PGAP4: variants seen among roughly 807,000 people sequenced by gnomAD.
PGAP4 encodes post-GPI attachment to proteins GalNAc transferase 4, also known as GPI-N-acetylgalactosamine transferase PGAP4.
In PGAP4, 12 loss-of-function variants were observed where a neutral mutation model predicts 28.2. That is an observed-to-expected ratio of 0.42 (90% CI 0.27 to 0.69). The LOEUF is 0.69. Ranked by LOEUF, PGAP4 falls within the 30% of genes least tolerant of loss-of-function variation. The pLI is 0.22. For missense variants in PGAP4, 425 were observed against 513.5 expected (o/e 0.83, Z 1.67); for synonymous variants, 205 against 211.8 (o/e 0.97, Z 0.28).
chr9:101,532,906 A>C (rs1827116466), exon 1 of PGAP4: 1 of 152,158 alleles, frequency 6.6e-6, no homozygotes, highest in South Asian at 2.1e-4. Flanking sequence ...CAAGATGCCT[A>C]AATTCTATTT....
At chr9:101,496,700 A>G (rs1378998547) in intron 2 of PGAP4, among the ~76,000 whole-genome samples, 1 of 151,314 alleles carries the variant, frequency 6.6e-6, no homozygotes, top group Non-Finnish European at 1.5e-5. Context: ...TTCTTTAAAA[A>G]AACCAAAAAC....
intron 2 of PGAP4, among the ~76,000 whole-genome samples, chr9:101,520,889 C>T (rs531661500): frequency 6.7e-6 from 1 of 148,888 alleles, no homozygotes; most frequent in South Asian, 2.3e-4. Context: ...TAAGGTATGT[C>T]CCTTGTGTGC....
intron 2 of PGAP4, among the ~76,000 whole-genome samples, chr9:101,496,406 T>C (rs1215656205): frequency 6.6e-6 from 1 of 151,558 alleles, no homozygotes; most frequent in African/African-American, 2.4e-5. Flanking sequence ...TTTAAAAATA[T>C]ATATTTTAGA....
At chr9:101,484,660 G>A (rs747761875) in intron 1 of PGAP4, among the ~76,000 whole-genome samples, 7 of 152,076 alleles carry the variant, frequency 4.6e-5, no homozygotes, top group South Asian at 2.1e-4. Flanking sequence ...CATGTAAACC[G>A]GAAAGAGAGC....
At chr9:101,497,752 A>G (rs192701244) in intron 2 of PGAP4, among the ~76,000 whole-genome samples, 2 of 151,876 alleles carry the variant, frequency 1.3e-5, no homozygotes, top group East Asian at 3.9e-4. Context: ...GTTAATAACT[A>G]TATATTCTAT....
chr9:101,516,903 CAG>C (rs1826948623), intron 2 of PGAP4, among the ~76,000 whole-genome samples: 1 of 152,192 alleles, frequency 6.6e-6, no homozygotes, highest in South Asian at 2.1e-4. Context: ...ACCTGATTAA[CAG>C]ATGCACAGTG....
chr9:101,511,937 C>T (rs1195758593), intron 2 of PGAP4, among the ~76,000 whole-genome samples: 1 of 152,094 alleles, frequency 6.6e-6, no homozygotes, highest in Admixed American at 6.5e-5. Context: ...ATGCAGTCAT[C>T]CACCCAATGC....
At chr9:101,498,871 G>A (rs1826774266) in intron 2 of PGAP4, among the ~76,000 whole-genome samples, 1 of 151,968 alleles carries the variant, frequency 6.6e-6, no homozygotes, top group African/African-American at 2.4e-5. Flanking sequence ...TGTGTCTACT[G>A]TTTAGAATGT....
chr9:101,491,697 T>C (rs1244973826), upstream of PGAP4, among the ~76,000 whole-genome samples: 1 of 150,212 alleles, frequency 6.7e-6, no homozygotes, highest in Admixed American at 6.7e-5. Flanking sequence ...TTTATTGATT[T>C]CTAATTTTAT....
chr9:101,482,525 C>G (rs1028430141), intron 1 of PGAP4, among the ~76,000 whole-genome samples: 2 of 152,192 alleles, frequency 1.3e-5, no homozygotes, highest in African/African-American at 4.8e-5. Context: ...TGATCAGCAT[C>G]CATCTGATAC....
chr9:101,502,909 G>A (rs1826816137), intron 2 of PGAP4, among the ~76,000 whole-genome samples: 2 of 152,074 alleles, frequency 1.3e-5, no homozygotes, highest in African/African-American at 4.8e-5. Flanking sequence ...ATGGAGGTGA[G>A]TGAGGGAAGA....
chr9:101,489,221 A>G (rs1307497573), upstream of PGAP4: 2 of 152,230 alleles, frequency 1.3e-5, no homozygotes, highest in Non-Finnish European at 2.9e-5. Flanking sequence ...CAAAGCAAAA[A>G]TAGAAAAAAA....
intron 2 of PGAP4, among the ~76,000 whole-genome samples, chr9:101,521,811 T>A (rs1291110470): frequency 6.6e-6 from 1 of 152,176 alleles, no homozygotes; most frequent in East Asian, 1.9e-4. Context: ...TCAGAGTGTC[T>A]GTTTGCACTC....
rs398073538 is a variant in PGAP4, at chr9:101,477,211, A to AAACAAACAAAC, written c.-77-43_-77-42insGTTTGTTTGTT. 9.1e-5 allele frequency: 114 copies of AAACAAACAAAC among 1,246,416 alleles called. 1 individual carries two copies. The African/African-American group carries it at 1.6e-3, about 17-fold the overall frequency. 77.2% of individuals were successfully genotyped at this position (1,246,416 alleles called of 1,614,324 possible). On this transcript the variant is annotated intron_variant, in intron 1 of 1. Coordinates refer to ENST00000374848, the MANE Select transcript of PGAP4 (RefSeq NM_032342.3). ...TAGGGAATGGTAAGAGTAACTTAAA[A>AAACAAACAAAC]AAACAAACAAACAAACAAACAAAAA...
chr9:101,526,841 A>G (rs890215045), intron 2 of PGAP4, among the ~76,000 whole-genome samples: 2 of 152,222 alleles, frequency 1.3e-5, no homozygotes, highest in African/African-American at 4.8e-5. Flanking sequence ...GTTTAGTTCA[A>G]TAAGTGAAGC....
At chr9:101,526,885 G>T (rs1827039730) in intron 2 of PGAP4, among the ~76,000 whole-genome samples, 1 of 152,152 alleles carries the variant, frequency 6.6e-6, no homozygotes, top group Non-Finnish European at 1.5e-5. Flanking sequence ...AAAGTAAATG[G>T]TACCAACCAG....
At chr9:101,532,498 A>G (rs1284143959) in intron 1 of PGAP4, among the ~76,000 whole-genome samples, 2 of 152,200 alleles carry the variant, frequency 1.3e-5, no homozygotes, top group Non-Finnish European at 2.9e-5. Context: ...TAAACAAAGC[A>G]TAACTGTTGG....
At chr9:101,501,199 TCTC>T (rs1826795201) in intron 2 of PGAP4, among the ~76,000 whole-genome samples, 1 of 152,064 alleles carries the variant, frequency 6.6e-6, no homozygotes, top group Non-Finnish European at 1.5e-5. Flanking sequence ...ACATCTGACT[TCTC>T]CTGGGCCTAC....
In PGAP4 at chr9:101,479,375, A is replaced by C. The variant is rs77250527; in HGVS notation, c.-77-2206T>G. On this transcript the variant is annotated intron_variant, in intron 1 of 1. Coordinates refer to ENST00000374848, the MANE Select transcript of PGAP4 (RefSeq NM_032342.3). Reference sequence around the variant, plus strand: ...CCTGCCTTTGTTATTACCACAAGGGAGCTGGATCAATCTAGAGGAGGGAAC... The same window carrying C: ...CCTGCCTTTGTTATTACCACAAGGGCGCTGGATCAATCTAGAGGAGGGAAC... Among the ~76,000 whole-genome samples the C allele has an allele frequency of 1.7e-3, 254 of 152,300 alleles. 9 individuals are homozygous for C. The East Asian group carries it at 0.045, about 27-fold the overall frequency.
Sources: gnomAD v4.1 joint callset for allele counts (sites outside exome capture counted in the v4.1 genomes callset) on GRCh38, gnomAD v4.1.1 for gene constraint, MANE v1.5 for transcripts, NCBI Gene and HGNC (gene_info 2026-07-23, HGNC 2026-07-21) for gene names.